Variants in TACR1 observed in about 807,000 individuals in gnomAD.
The protein encoded by TACR1 is tachykinin receptor 1.
In TACR1, 25 loss-of-function variants were observed where a neutral mutation model predicts 35.8. That is an observed-to-expected ratio of 0.70 (90% CI 0.51 to 0.98). The LOEUF is 0.98. TACR1 is among the 50% of genes least tolerant of loss of function. The probability of loss-of-function intolerance (pLI) is 0.00; values close to 1 mark genes in which losing one functional copy is unlikely to be tolerated. For missense variants in TACR1, 478 were observed against 522.9 expected (o/e 0.91, Z 0.84); for synonymous variants, 195 against 206.7 (o/e 0.94, Z 0.48).
intron 1 of TACR1, chr2:75,186,871 A>C (rs1048846003): frequency 2.0e-5 from 3 of 152,206 alleles, no homozygotes; most frequent in African/African-American, 7.2e-5. Flanking sequence ...CAAAATGCTG[A>C]GGAAGTATTG....
Position 75,098,784 on chromosome 2 carries a change from C to T in TACR1, c.584+21790G>A, listed in dbSNP as rs76181039. Reference sequence around the variant, plus strand: ...ACTCTCCTGCTCTGCCTTTGGGTTCCTGCTTTGTGGCAGGCAATCTCCTGT... The same window carrying T: ...ACTCTCCTGCTCTGCCTTTGGGTTCTTGCTTTGTGGCAGGCAATCTCCTGT... On this transcript the variant is annotated intron_variant, in intron 2 of 4. Coordinates refer to ENST00000305249, the MANE Select transcript of TACR1 (RefSeq NM_001058.4). 1.9e-3 allele frequency among the ~76,000 whole-genome samples: 292 copies of T among 152,304 alleles called. 1 individual carries two copies. The highest frequency in any genetic ancestry group is 6.8e-3 in the African/African-American group (283 of 41,562).
At position 75,162,426 on chromosome 2, in the gene TACR1, A is replaced by G. The variant is rs114882543; in HGVS notation, c.389+36120T>C. On this transcript the variant is annotated intron_variant, in intron 1 of 4. Transcript: ENST00000305249. Reference sequence around the variant, plus strand: ...AATGGCCAATGGTTCTGGATCTCCAAATAGTACTGGAAGAGTGCCAGTGCC... The same window carrying G: ...AATGGCCAATGGTTCTGGATCTCCAGATAGTACTGGAAGAGTGCCAGTGCC... Among the ~76,000 whole-genome samples, 859 of 152,340 alleles carry G rather than the reference A, an allele frequency of 5.6e-3. 8 individuals are homozygous for G. Among genetic ancestry groups the G allele is most frequent in the African/African-American group, 0.02 (822 of 41,582 alleles).
At chr2:75,099,331 C>T (rs1673487236) in intron 2 of TACR1, among the ~76,000 whole-genome samples, 1 of 152,138 alleles carries the variant, frequency 6.6e-6, no homozygotes, top group Non-Finnish European at 1.5e-5. Context: ...TTAAAACATC[C>T]TGTCCATAAA....
intron 1 of TACR1, among the ~76,000 whole-genome samples, chr2:75,138,853 T>G (rs935963000): frequency 6.6e-6 from 1 of 152,132 alleles, no homozygotes; most frequent in Non-Finnish European, 1.5e-5. Flanking sequence ...GAAGAGATCA[T>G]AAATACCACC....
intron 1 of TACR1, among the ~76,000 whole-genome samples, chr2:75,162,477 G>A (rs886149096): frequency 1.3e-5 from 2 of 152,188 alleles, no homozygotes; most frequent in Non-Finnish European, 2.9e-5. Context: ...ACAATATTTA[G>A]TTCTTCTATT....
intron 1 of TACR1, among the ~76,000 whole-genome samples, chr2:75,151,309 A>C (rs1674664753): frequency 1.3e-5 from 2 of 152,320 alleles, no homozygotes; most frequent in Middle Eastern, 6.8e-3. Flanking sequence ...TCACAGGCCC[A>C]GAGGCCCAGA....
chr2:75,061,385 A>G (rs116725786), intron 2 of TACR1, among the ~76,000 whole-genome samples: 59 of 152,264 alleles, frequency 3.9e-4, no homozygotes, highest in African/African-American at 1.4e-3. Flanking sequence ...GAAGTGAGGA[A>G]GTGGAAGCAG....
rs1558554784 is a variant in TACR1, at chr2:75,106,012, GT to G, written c.584+14561del. Among the ~76,000 whole-genome samples, 13 of 152,104 alleles carry G rather than the reference GT, an allele frequency of 8.5e-5. No individual in the cohort carries two copies. The East Asian group carries it at 1.7e-3, about 20-fold the overall frequency. On this transcript the variant is annotated intron_variant, in intron 2 of 4. Transcript: ENST00000305249. ...AACTGGGAAAAAAGTATGGATTTTA[GT>G]TATGAATTATTTATAAATATTGAGT...
intron 2 of TACR1, among the ~76,000 whole-genome samples, chr2:75,054,217 T>C (rs1451789341): frequency 2.0e-5 from 3 of 152,244 alleles, no homozygotes; most frequent in African/African-American, 7.2e-5. Flanking sequence ...ACTACACTTA[T>C]GCTCAACTTA....
chr2:75,191,611 T>C (rs1470613286), intron 1 of TACR1, among the ~76,000 whole-genome samples: 3 of 152,034 alleles, frequency 2.0e-5, no homozygotes, highest in Non-Finnish European at 4.4e-5. Context: ...AAGAAGTAAG[T>C]GTGAGTTAGA....
intron 1 of TACR1, among the ~76,000 whole-genome samples, chr2:75,144,007 A>C (rs1475544017): frequency 2.0e-5 from 3 of 152,214 alleles, no homozygotes; most frequent in Non-Finnish European, 4.4e-5. Context: ...TCAATTCCTC[A>C]CCTGCTTAGC....
intron 2 of TACR1, among the ~76,000 whole-genome samples, chr2:75,091,201 CAAAAA>C (rs1184236584): frequency 6.3e-5 from 4 of 63,422 alleles, no homozygotes; most frequent in South Asian, 7.0e-4. Context: ...CTCGTAGGTG[CAAAAA>C]AAAAAAAAAA....
intron 2 of TACR1, among the ~76,000 whole-genome samples, chr2:75,075,536 C>A (rs1322222523): frequency 1.3e-5 from 2 of 151,986 alleles, no homozygotes; most frequent in Admixed American, 6.6e-5. Flanking sequence ...TATTATGTCC[C>A]ATACTTACAT....
At chr2:75,105,100 G>A (rs1028394722) in intron 2 of TACR1, among the ~76,000 whole-genome samples, 1 of 152,068 alleles carries the variant, frequency 6.6e-6, no homozygotes, top group African/African-American at 2.4e-5. Flanking sequence ...GTTTGTTGCA[G>A]CATTATTCAC....
At chr2:75,088,139 G>T (rs577631699) in intron 2 of TACR1, among the ~76,000 whole-genome samples, 1 of 152,222 alleles carries the variant, frequency 6.6e-6, no homozygotes, top group Admixed American at 6.5e-5. Flanking sequence ...CATCCATGTA[G>T]CCAGTGATGC....
chr2:75,185,915 C>T (rs971475487), intron 1 of TACR1, among the ~76,000 whole-genome samples: 3 of 152,096 alleles, frequency 2.0e-5, no homozygotes, highest in African/African-American at 2.4e-5. Context: ...CAAAACACCC[C>T]CCAGGGTTTA....
At chr2:75,107,503 C>T (rs1311654444) in intron 2 of TACR1, among the ~76,000 whole-genome samples, 1 of 149,514 alleles carries the variant, frequency 6.7e-6, no homozygotes, top group Non-Finnish European at 1.5e-5. Flanking sequence ...GGAATGGAGG[C>T]AAGGATGAAA....
chr2:75,147,968 G>C (rs1244774282), intron 1 of TACR1, among the ~76,000 whole-genome samples: 1 of 151,836 alleles, frequency 6.6e-6, no homozygotes, highest in East Asian at 1.9e-4. Flanking sequence ...GGATGGTCTT[G>C]ATCTCCTGAC....
rs542013617 is a variant in TACR1, at chr2:75,149,227, C to T, written c.390-28459G>A. Reference sequence around the variant, plus strand: ...CCTCCAGCCCTTAGCTATACGGGCTCTTTTTTGGTTCCATATGAAATTTAA... The same window carrying T: ...CCTCCAGCCCTTAGCTATACGGGCTTTTTTTTGGTTCCATATGAAATTTAA... On this transcript the variant is annotated intron_variant, in intron 1 of 4. Transcript: ENST00000305249. Among the ~76,000 whole-genome samples, 27 of 152,196 alleles carry T rather than the reference C, an allele frequency of 1.8e-4. 1 individual carries two copies. Among genetic ancestry groups the T allele is most frequent in the Non-Finnish European group, 3.2e-4 (22 of 68,012 alleles).
Sources: allele counts gnomAD v4.1 joint callset (sites outside exome capture counted in the v4.1 genomes callset), GRCh38; gene constraint gnomAD v4.1.1; transcripts MANE v1.5; gene names NCBI Gene and HGNC (gene_info 2026-07-23, HGNC 2026-07-21).